Variants in PCDHA1 observed in about 807,000 individuals in gnomAD.
The protein encoded by PCDHA1 is protocadherin alpha 1.
Under a neutral mutation model 61.3 loss-of-function variants are expected in PCDHA1, and 42 were observed. That is an observed-to-expected ratio of 0.69 (90% confidence interval 0.54 to 0.89). The LOEUF is 0.89. Ranked by LOEUF, PCDHA1 falls within the 40% of genes least tolerant of loss-of-function variation. The pLI, the probability that PCDHA1 is intolerant of heterozygous loss-of-function variation, is 0.00. For synonymous variants in PCDHA1, 610 were observed against 553.8 expected, an observed-to-expected ratio of 1.10 and a Z score of -1.43; for missense variants, 1,256 against 1,235.3, an observed-to-expected ratio of 1.02 and a Z score of -0.25.
intron 3 of PCDHA1, among the ~76,000 whole-genome samples, chr5:140,989,866 T>G (rs2097364293): frequency 6.6e-6 from 1 of 152,012 alleles, no homozygotes; most frequent in South Asian, 2.1e-4. Flanking sequence ...GGAATCTTTC[T>G]CTGCCTCAGC....
At chr5:140,830,108 G>A (rs1472585258) in intron 1 of PCDHA1, 2 of 1,613,452 alleles carry the variant, frequency 1.2e-6, no homozygotes, top group African/African-American at 2.7e-5. Flanking sequence ...GGTGGAGAGT[G>A]GCCAGGCTCC....
At chr5:140,841,171 GGTCAATGTT>G (rs1175788362) in intron 1 of PCDHA1, 24 of 993,568 alleles carry the variant, frequency 2.4e-5, no homozygotes, top group Non-Finnish European at 2.9e-5. Flanking sequence ...AGTTCTGGTT[GGTCAATGTT>G]CAAAGTCTTT....
chr5:140,966,803 C>G, intron 1 of PCDHA1: 1 of 1,542,484 alleles, frequency 6.5e-7, no homozygotes, highest in Non-Finnish European at 8.7e-7. Context: ...GGCGACAGAG[C>G]ATCCACGGCT....
intron 1 of PCDHA1, chr5:140,823,399 C>G: frequency 6.2e-7 from 1 of 1,612,960 alleles, no homozygotes; most frequent in Non-Finnish European, 8.5e-7. Flanking sequence ...CGCGGGCGTG[C>G]CGCCTCTGGG....
chr5:140,926,349 G>A (rs1405832516), intron 1 of PCDHA1: 2 of 152,260 alleles, frequency 1.3e-5, no homozygotes, highest in Admixed American at 1.3e-4. Flanking sequence ...CCCGACGCGC[G>A]GCTCCCAAAG....
At chr5:140,859,043 C>G (rs552891148) in intron 1 of PCDHA1, 1 of 150,484 alleles carries the variant, frequency 6.6e-6, no homozygotes, top group Non-Finnish European at 1.5e-5. Context: ...ACTTTAAAAA[C>G]GTTTTCCATT....
chr5:140,997,668 T>TTGTGTGTGTGTG (rs35184029), intron 3 of PCDHA1, among the ~76,000 whole-genome samples: 18 of 148,344 alleles, frequency 1.2e-4, no homozygotes, highest in Middle Eastern at 3.4e-3. Flanking sequence ...ATTATACAGC[T>TTGTGTGTGTGTG]TGTGTGTGTG....
chr5:140,806,502 G>A lies in PCDHA1; in HGVS notation c.2394+17818G>A, dbSNP rs116553144. 5.5e-3 allele frequency among the ~76,000 whole-genome samples: 845 copies of A among 152,278 alleles called. 7 individuals carry two copies. The highest frequency in any genetic ancestry group is 0.02 in the African/African-American group (812 of 41,560). On this transcript the variant is annotated intron_variant, in intron 1 of 3. Transcript: ENST00000504120. ...TTCAGCCCTGACATGACTCAAGGAA[G>A]ACATCTAATTAAATGCTGATGGTCT...
At chr5:140,952,698 C>G (rs1020795237) in intron 1 of PCDHA1, among the ~76,000 whole-genome samples, 4 of 152,182 alleles carry the variant, frequency 2.6e-5, no homozygotes, top group Non-Finnish European at 4.4e-5. Context: ...ATAGCAATAT[C>G]CCACTCTCAG....
At chr5:140,946,219 G>A (rs2093905754) in intron 1 of PCDHA1, among the ~76,000 whole-genome samples, 1 of 151,856 alleles carries the variant, frequency 6.6e-6, no homozygotes, top group Non-Finnish European at 1.5e-5. Context: ...TGACCAACAG[G>A]TATACTAAAA....
At chr5:140,805,235 C>T in intron 1 of PCDHA1, 18 of 1,344,766 alleles carry the variant, frequency 1.3e-5, no homozygotes, top group Non-Finnish European at 1.7e-5. Flanking sequence ...TGCTGCATTC[C>T]CCATCTGTAC....
intron 1 of PCDHA1, chr5:140,856,779 C>T (rs1554149103): frequency 6.3e-7 from 1 of 1,596,160 alleles, no homozygotes; most frequent in East Asian, 2.2e-5. Context: ...TTTGACAGAC[C>T]GGTTTATGAA....
intron 1 of PCDHA1, among the ~76,000 whole-genome samples, chr5:140,889,158 T>A (rs2062123549): frequency 6.6e-6 from 1 of 151,892 alleles, no homozygotes; most frequent in Non-Finnish European, 1.5e-5. Context: ...TCTTCTTTGT[T>A]AAGTATTCAA....
At chr5:140,852,214 ATTTTAAT>A (rs2042272787) in intron 1 of PCDHA1, 1 of 644,752 alleles carries the variant, frequency 1.6e-6, no homozygotes, top group Non-Finnish European at 2.0e-6. Flanking sequence ...AAAACAAAAT[ATTTTAAT>A]TTTTAAATTT....
chr5:141,005,031 A>G (rs2098194150), intron 3 of PCDHA1, among the ~76,000 whole-genome samples: 1 of 152,212 alleles, frequency 6.6e-6, no homozygotes, highest in South Asian at 2.1e-4. Context: ...ATAATTGCCC[A>G]TATGTGATAC....
At position 140,787,355 on chromosome 5, in the gene PCDHA1, G is replaced by A; in HGVS notation, c.1065G>A (p.Leu355=). Residue 355 remains leucine, a synonymous_variant, in exon 1 of 4, where the codon TTG becomes TTA. Coordinates refer to ENST00000504120, the MANE Select transcript of PCDHA1 (RefSeq NM_018900.4). ...CTCCAGAACTGGCGGTCACTTCATT[G>A]TATTTGCCTATCAGAGAGGACGCTC... ...DNAPELAVTS[L]YLPIREDAPL... 1 of 1,614,238 alleles carries A rather than the reference G, an allele frequency of 6.2e-7. No individual in the cohort carries two copies. Among genetic ancestry groups the A allele is most frequent in the Non-Finnish European group, 8.5e-7 (1 of 1,180,038 alleles).
intron 1 of PCDHA1, chr5:140,856,972 C>T: frequency 6.3e-7 from 1 of 1,594,490 alleles, no homozygotes; most frequent in Non-Finnish European, 8.6e-7. Context: ...ATGCTATTGA[C>T]TTTGAGGACA....
At chr5:140,857,771 GCAGT>G in intron 1 of PCDHA1, 1 of 1,597,658 alleles carries the variant, frequency 6.3e-7, no homozygotes, top group Non-Finnish European at 8.6e-7. Context: ...CGCGGGCGGT[GCAGT>G]CAGTGAGCTG....
At chr5:140,853,944 G>C (rs2042918286) in intron 1 of PCDHA1, 1 of 814,184 alleles carries the variant, frequency 1.2e-6, no homozygotes, top group Non-Finnish European at 1.5e-6. Context: ...CAAGGTGGGA[G>C]GGTCCCTTCC....
Sources: gnomAD v4.1 joint callset for allele counts (sites outside exome capture counted in the v4.1 genomes callset) on GRCh38, gnomAD v4.1.1 for gene constraint, MANE v1.5 for transcripts, NCBI Gene and HGNC (gene_info 2026-07-23, HGNC 2026-07-21) for gene names.